The following DROSHA variants were observed in gnomAD, a reference collection of about 807,000 sequenced individuals.
The protein encoded by DROSHA is ribonuclease 3.
Under a neutral mutation model 181.9 loss-of-function variants are expected in DROSHA, and 56 were observed. The observed-to-expected ratio is 0.31, with a 90% CI of 0.25 to 0.38. DROSHA has a LOEUF of 0.38. Among genes scored for constraint, DROSHA ranks in the 10% least tolerant of loss-of-function variants. The probability of loss-of-function intolerance (pLI) is 1.00; values close to 1 mark genes in which losing one functional copy is unlikely to be tolerated. For synonymous variants in DROSHA, 524 were observed against 591.2 expected (o/e 0.89, Z 1.65); for missense variants, 1,218 against 1,743.5 (o/e 0.70, Z 5.37).
chr5:31,463,293 C>T (rs948384579), intron 20 of DROSHA, among the ~76,000 whole-genome samples: 20 of 152,116 alleles, frequency 1.3e-4, no homozygotes, highest in Admixed American at 6.6e-4. Context: ...TAGCTTTGGA[C>T]GTCACTTAGT....
chr5:31,422,668 A>T (rs557747974), intron 29 of DROSHA, 119 bp downstream of exon 29: 1 of 1,301,964 alleles, frequency 7.7e-7, no homozygotes, highest in East Asian at 2.4e-5. Flanking sequence ...CCATCTCACA[A>T]TGTGACTTTC....
chr5:31,526,039 C>T (rs373901828), intron 5 of DROSHA, 40 bp downstream of exon 5: 1 of 1,519,542 alleles, frequency 6.6e-7, no homozygotes, highest in Non-Finnish European at 8.9e-7. Context: ...CGTGCCTGGG[C>T]CTCTGCAGTT....
At chr5:31,437,922 C>T (rs1745090303) in intron 23 of DROSHA, among the ~76,000 whole-genome samples, 2 of 152,162 alleles carry the variant, frequency 1.3e-5, no homozygotes, top group Non-Finnish European at 2.9e-5. Context: ...CTCTCGCATA[C>T]AATGAGCCAC....
At chr5:31,518,063 A>G (rs949438806) in intron 6 of DROSHA, among the ~76,000 whole-genome samples, 1 of 152,210 alleles carries the variant, frequency 6.6e-6, no homozygotes, top group African/African-American at 2.4e-5. Flanking sequence ...CAGTGTGCCT[A>G]CACAAACTTA....
At chr5:31,402,175 A>C (rs917125588) in intron 35 of DROSHA, among the ~76,000 whole-genome samples, 5 of 152,228 alleles carry the variant, frequency 3.3e-5, no homozygotes, top group African/African-American at 1.2e-4. Context: ...TAAAGCGGAC[A>C]CATAACCTCA....
intron 6 of DROSHA, among the ~76,000 whole-genome samples, chr5:31,520,291 T>C (rs577936124): frequency 2.2e-4 from 33 of 152,334 alleles, no homozygotes; most frequent in African/African-American, 7.9e-4. Context: ...GTTATGTAGA[T>C]TTTTCTTTTA....
rs1361134667 is a variant in DROSHA, at chr5:31,511,185, A to G, written c.1291-9T>C. 6.2e-7 allele frequency: 1 copy of G among 1,611,266 alleles called. No individual in the cohort carries two copies. The highest frequency in any genetic ancestry group is 1.3e-5 in the African/African-American group (1 of 74,844). ...ACCACTGTAGAATCTCCCTTTTAAA[A>G]ATAAAGGATCAATATTAGGAACTAT... On this transcript the variant is annotated splice_polypyrimidine_tract_variant and intron_variant, in intron 8 of 35. Coordinates refer to ENST00000344624, the MANE Select transcript of DROSHA (RefSeq NM_001382508.1).
At chr5:31,520,491 C>T (rs1052550910) in intron 6 of DROSHA, among the ~76,000 whole-genome samples, 24 of 152,106 alleles carry the variant, frequency 1.6e-4, no homozygotes, top group African/African-American at 5.6e-4. Context: ...TTACTTCAGG[C>T]CCAGTTCTAA....
intron 5 of DROSHA, among the ~76,000 whole-genome samples, chr5:31,522,214 C>T (rs557606886): frequency 6.6e-6 from 1 of 152,176 alleles, no homozygotes; most frequent in South Asian, 2.1e-4. Flanking sequence ...ATATACAATC[C>T]TCAGATATAT....
chr5:31,413,661 AGCCACGTGCAGACCG>A lies in DROSHA; in HGVS notation c.3526-2789_3526-2775del, dbSNP rs1377491679. Reference sequence around the variant, plus strand: ...CTCAGGAACTGACACCCTCCTCAGAAGCCACGTGCAGACCGGCTGTTGCAATGCACTGTGGTGGCT... The same window carrying A: ...CTCAGGAACTGACACCCTCCTCAGAAGCTGTTGCAATGCACTGTGGTGGCT... On this transcript the variant is annotated intron_variant, in intron 30 of 35. Transcript: ENST00000344624. Among the ~76,000 whole-genome samples, 21 of 152,318 alleles carry A rather than the reference AGCCACGTGCAGACCG, an allele frequency of 1.4e-4. 1 individual carries two copies. The highest frequency in any genetic ancestry group is 6.8e-3 in the Middle Eastern group (2 of 294).
chr5:31,419,234 C>T (rs555230826), intron 30 of DROSHA, among the ~76,000 whole-genome samples: 1 of 152,178 alleles, frequency 6.6e-6, no homozygotes, highest in Non-Finnish European at 1.5e-5. Context: ...TTAGAATCTG[C>T]ATTTAGCTTA....
At position 31,405,790 on chromosome 5, in the gene DROSHA, T is replaced by TTTTC. The variant is rs1363584280; in HGVS notation, c.3948-68_3948-67insGAAA. ...TTCTTTTTTTTTTTTTTTTTTTTTT[T>TTTTC]TCAAAAAATGCAAGGTATGGCTACA... On this transcript the variant is annotated intron_variant, in intron 34 of 35. Coordinates refer to ENST00000344624, the MANE Select transcript of DROSHA (RefSeq NM_001382508.1). The TTTTC allele has an allele frequency of 4.2e-6, 5 of 1,179,164 alleles. No individual in the cohort carries two copies. In the African/African-American group the frequency reaches 7.0e-5, roughly 16 times the overall value. The allele number at this position is 1,179,164 out of a possible 1,614,324, so 73.0% of individuals were successfully genotyped here.
At chr5:31,410,650 A>G in intron 31 of DROSHA, 96 bp downstream of exon 31, 2 of 1,469,362 alleles carry the variant, frequency 1.4e-6, no homozygotes, top group Non-Finnish European at 1.8e-6. Flanking sequence ...AGGTTTCTTT[A>G]GCCAGAACAT....
intron 27 of DROSHA, among the ~76,000 whole-genome samples, chr5:31,428,335 C>T (rs935475308): frequency 6.6e-6 from 1 of 151,856 alleles, no homozygotes; most frequent in African/African-American, 2.4e-5. Context: ...GACAAGACTG[C>T]AGGAAGGAAA....
rs1382561794 is a variant in DROSHA at position 31,523,514 on chromosome 5, TAGC to T, written c.855-2302_855-2300del. ...AGAGCCCTGACAACTCCTCTAATTA[TAGC>T]ATATCAAAACAGAGGCGGAAATACA... On this transcript the variant is annotated intron_variant, in intron 5 of 35. Transcript: ENST00000344624. Among the ~76,000 whole-genome samples the T allele has an allele frequency of 9.0e-3, 1,363 of 152,278 alleles. 26 individuals are homozygous for T. Among genetic ancestry groups the T allele is most frequent in the African/African-American group, 0.031 (1,286 of 41,548 alleles).
chr5:31,487,315 C>T (rs1452353048), intron 13 of DROSHA, among the ~76,000 whole-genome samples: 1 of 152,158 alleles, frequency 6.6e-6, no homozygotes, highest in Admixed American at 6.5e-5. Flanking sequence ...CCTCTCATTA[C>T]CTGTTCTAAT....
At chr5:31,489,838 G>A (rs996700439) in intron 13 of DROSHA, among the ~76,000 whole-genome samples, 2 of 152,136 alleles carry the variant, frequency 1.3e-5, no homozygotes, top group Non-Finnish European at 1.5e-5. Flanking sequence ...TTGAGAATAC[G>A]ACAAAATACG....
At chr5:31,451,450 G>T in intron 21 of DROSHA, 83 bp downstream of exon 21, 1 of 1,154,320 alleles carries the variant, frequency 8.7e-7, no homozygotes, top group South Asian at 1.4e-5. Flanking sequence ...CCAGGATAGA[G>T]AACCCAATGT....
chr5:31,513,330 T>C (rs1738907035), intron 8 of DROSHA, among the ~76,000 whole-genome samples: 1 of 152,184 alleles, frequency 6.6e-6, no homozygotes, highest in Non-Finnish European at 1.5e-5. Context: ...ACACCAGCCA[T>C]GGCCTCCCTC....
Sources: gnomAD v4.1 joint callset for allele counts (sites outside exome capture counted in the v4.1 genomes callset) on GRCh38, gnomAD v4.1.1 for gene constraint, MANE v1.5 for transcripts, NCBI Gene and HGNC (gene_info 2026-07-23, HGNC 2026-07-21) for gene names.